ANKRD31: variants seen among roughly 807,000 people sequenced by gnomAD.
ANKRD31 encodes the protein ankyrin repeat domain-containing protein 31.
ANKRD31 carries 147 observed loss-of-function variants against 186.0 expected under a neutral mutation model. The ratio of observed to expected loss-of-function variants is 0.79; its 90% CI spans 0.69 to 0.91. ANKRD31 has a LOEUF of 0.91. ANKRD31 is among the 40% of genes least tolerant of loss of function. The probability of loss-of-function intolerance (pLI) is 0.00; values close to 1 mark genes in which losing one functional copy is unlikely to be tolerated. For synonymous variants in ANKRD31, 673 were observed against 736.4 expected (o/e 0.91, Z 1.39); for missense variants, 1,986 against 2,148.8 (o/e 0.92, Z 1.50).
intron 1 of ANKRD31, among the ~76,000 whole-genome samples, chr5:75,233,900 G>C (rs866585655): frequency 2.0e-5 from 3 of 151,760 alleles, no homozygotes; most frequent in Non-Finnish European, 4.4e-5. Flanking sequence ...CTGGGTGATA[G>C]AATGAGACTC....
intron 17 of ANKRD31, among the ~76,000 whole-genome samples, chr5:75,124,252 A>C (rs1561446412): frequency 6.6e-6 from 1 of 152,194 alleles, no homozygotes; most frequent in Non-Finnish European, 1.5e-5. Context: ...ATGCCAATAG[A>C]ATGCCTATTA....
In ANKRD31 at chr5:75,103,577, T is replaced by C. The variant is rs142456871; in HGVS notation, c.5331+651A>G. 3.8e-4 allele frequency among the ~76,000 whole-genome samples: 58 copies of C among 152,220 alleles called. No homozygotes were observed. In the East Asian group the frequency reaches 8.7e-3, roughly 23 times the overall value. On this transcript the variant is annotated intron_variant, in intron 22 of 25. Transcript: ENST00000506364. ...ATGTTCACTGCAGCACTATTCACAA[T>C]AGCAAAGACATGGAATCAACCCAAA...
rs74879028 is a variant in ANKRD31, at chr5:75,074,564, C to T, written c.5648-5900G>A. Reference sequence around the variant, plus strand: ...AAACACACACATAGAGAAATCTGAGCCGACTAGGATAATCCCCAACTGAGC... The same window carrying T: ...AAACACACACATAGAGAAATCTGAGTCGACTAGGATAATCCCCAACTGAGC... On this transcript the variant is annotated intron_variant, in intron 25 of 25. Transcript: ENST00000506364. Among the ~76,000 whole-genome samples the T allele has an allele frequency of 5.6e-3, 850 of 152,274 alleles. 7 individuals carry two copies. Among genetic ancestry groups the T allele is most frequent in the African/African-American group, 0.019 (780 of 41,534 alleles).
intron 6 of ANKRD31, among the ~76,000 whole-genome samples, chr5:75,199,013 T>C (rs1755645266): frequency 1.3e-5 from 2 of 151,868 alleles, no homozygotes; most frequent in South Asian, 4.2e-4. Flanking sequence ...ACAACCTGGG[T>C]GAGATGCCAA....
intron 11 of ANKRD31, 22 bp downstream of exon 11, chr5:75,168,957 G>A (rs1193423536): frequency 6.6e-7 from 1 of 1,509,778 alleles, no homozygotes; most frequent in Non-Finnish European, 8.9e-7. Flanking sequence ...TATTTGTTCT[G>A]CAAATAAAAG....
At chr5:75,226,229 G>C (rs567839059) in intron 2 of ANKRD31, among the ~76,000 whole-genome samples, 1 of 152,296 alleles carries the variant, frequency 6.6e-6, no homozygotes, top group East Asian at 1.9e-4. Context: ...CGAGGATTTG[G>C]GGAGCTCACT....
chr5:75,143,692 C>T (rs1014721197), intron 15 of ANKRD31, among the ~76,000 whole-genome samples: 4 of 152,098 alleles, frequency 2.6e-5, no homozygotes, highest in African/African-American at 9.7e-5. Context: ...ATGGAAGTAT[C>T]TAAAGAATCT....
At chr5:75,101,974 A>T (rs1017495959) in intron 22 of ANKRD31, among the ~76,000 whole-genome samples, 7 of 152,182 alleles carry the variant, frequency 4.6e-5, no homozygotes, top group Non-Finnish European at 1.0e-4. Flanking sequence ...GTTGCTGTTG[A>T]GGAGCTGCAT....
At chr5:75,126,633 T>C (rs1388479938) in intron 17 of ANKRD31, among the ~76,000 whole-genome samples, 1 of 152,168 alleles carries the variant, frequency 6.6e-6, no homozygotes, top group Non-Finnish European at 1.5e-5. Flanking sequence ...TTTGTAAATA[T>C]GTAATATGTT....
intron 2 of ANKRD31, among the ~76,000 whole-genome samples, chr5:75,227,098 A>G (rs986210139): frequency 6.6e-6 from 1 of 152,202 alleles, no homozygotes; most frequent in African/African-American, 2.4e-5. Flanking sequence ...AGTACTATTC[A>G]GCCATGAAAA....
intron 10 of ANKRD31, among the ~76,000 whole-genome samples, chr5:75,182,649 G>A (rs1336932880): frequency 1.3e-5 from 2 of 151,748 alleles, no homozygotes; most frequent in African/African-American, 4.8e-5. Flanking sequence ...AACCTGGGAG[G>A]GGAAGGTTTC....
Position 75,151,793 on chromosome 5 carries a change from T to A in ANKRD31, c.1852+2408A>T, listed in dbSNP as rs1751857898. Among the ~76,000 whole-genome samples the A allele has an allele frequency of 3.3e-5, 5 of 152,206 alleles. 1 individual carries two copies. In the South Asian group the frequency reaches 1.0e-3, roughly 32 times the overall value. ...AACCAAGATAGATATGTAATATCTG[T>A]CCTGTTATCCTCCTGGACATGAAGG... On this transcript the variant is annotated intron_variant, in intron 12 of 25. Transcript: ENST00000506364.
intron 6 of ANKRD31, among the ~76,000 whole-genome samples, chr5:75,198,605 G>C (rs936346424): frequency 6.6e-6 from 1 of 152,172 alleles, no homozygotes; most frequent in African/African-American, 2.4e-5. Context: ...TAGAGTACAA[G>C]TGATTTGGAA....
At chr5:75,202,206 A>G (rs1183135642) in intron 5 of ANKRD31, among the ~76,000 whole-genome samples, 3 of 152,234 alleles carry the variant, frequency 2.0e-5, no homozygotes, top group African/African-American at 7.2e-5. Context: ...TTTGGCTCAG[A>G]ATAAATCTCT....
At chr5:75,201,553 C>T (rs112996912) in intron 5 of ANKRD31, among the ~76,000 whole-genome samples, 14 of 152,160 alleles carry the variant, frequency 9.2e-5, no homozygotes, top group African/African-American at 2.7e-4. Context: ...CTTCCTTCTC[C>T]GAATCATAAG....
chr5:75,168,452 T>C (rs1475591825), intron 11 of ANKRD31, among the ~76,000 whole-genome samples: 9 of 152,328 alleles, frequency 5.9e-5, no homozygotes, highest in Admixed American at 3.3e-4. Flanking sequence ...CTAGAATTCA[T>C]AATCTTAATG....
chr5:75,148,725 G>A, intron 12 of ANKRD31, 97 bp from the exon 13 acceptor site: 9 of 775,204 alleles, frequency 1.2e-5, no homozygotes, highest in East Asian at 6.0e-5. Context: ...AAAACCAAGT[G>A]GAATAAGTGA....
At chr5:75,138,090 C>CAACAA in intron 16 of ANKRD31, 92 bp from the exon 17 acceptor site, 5 of 1,144,378 alleles carry the variant, frequency 4.4e-6, no homozygotes, top group Non-Finnish European at 5.7e-6. Context: ...TGCATTAATG[C>CAACAA]AATATCCATA....
chr5:75,091,396 A>G lies in ANKRD31; in HGVS notation c.5337T>C (p.Thr1779=). ...NNILEFKTQE[T]THKASILLNG... The stretch of plus-strand genomic sequence containing the variant: ...TCAATAAAATACTGGCTTTGTGGGT[A>G]GTCTCCTGAAGTGAAAAATAAAACA... The change falls in exon 23 of 26, where the codon ACT becomes ACC. Residue 1779 remains threonine (T), a synonymous_variant. Coordinates refer to ENST00000506364, the MANE Select transcript of ANKRD31 (RefSeq NM_001372053.1). The G allele has an allele frequency of 6.6e-7, 1 of 1,517,958 alleles. No homozygotes were observed. The highest frequency in any genetic ancestry group is 1.2e-5 in the South Asian group (1 of 80,626). 94.0% of individuals were successfully genotyped at this position (1,517,958 alleles called of 1,614,324 possible).
Sources: allele counts gnomAD v4.1 joint callset (sites outside exome capture counted in the v4.1 genomes callset), GRCh38; gene constraint gnomAD v4.1.1; transcripts MANE v1.5; gene names NCBI Gene and HGNC (gene_info 2026-07-23, HGNC 2026-07-21).